SEPTIN9: variants seen among roughly 807,000 people sequenced by gnomAD.
SEPTIN9 encodes the protein septin 9, also known as septin-9.
A neutral mutation model predicts 56.6 loss-of-function variants in SEPTIN9; 13 were observed. The observed-to-expected ratio is 0.23, with a 90% confidence interval of 0.15 to 0.37. The LOEUF (loss-of-function observed/expected upper bound fraction) is 0.37, where lower values mean the gene tolerates loss of function less well. Ranked by LOEUF, SEPTIN9 falls within the 10% of genes least tolerant of loss-of-function variation. The probability of loss-of-function intolerance (pLI) is 1.00; values close to 1 mark genes in which losing one functional copy is unlikely to be tolerated. For missense variants in SEPTIN9, 650 were observed against 823.1 expected, an observed-to-expected ratio of 0.79 and a Z score of 2.57; for synonymous variants, 332 against 334.1, an observed-to-expected ratio of 0.99 and a Z score of 0.07.
At chr17:77,438,965 C>T (rs1296155029) in intron 3 of SEPTIN9, among the ~76,000 whole-genome samples, 2 of 152,184 alleles carry the variant, frequency 1.3e-5, no homozygotes, top group Non-Finnish European at 1.5e-5. Context: ...AATCCATTTC[C>T]CCTTTTGACA....
chr17:77,432,248 T>C (rs550396470), intron 3 of SEPTIN9, among the ~76,000 whole-genome samples: 1 of 152,342 alleles, frequency 6.6e-6, no homozygotes, highest in East Asian at 1.9e-4. Flanking sequence ...CGAGACATGA[T>C]GAGAAACAAA....
intron 4 of SEPTIN9, among the ~76,000 whole-genome samples, chr17:77,484,738 GGTGGTGGTGGTT>G (rs1176365455): frequency 9.7e-5 from 7 of 72,068 alleles, no homozygotes; most frequent in African/African-American, 4.4e-4. Context: ...TTGTGATGGT[GGTGGTGGTGGTT>G]GTGATGGTGG....
intron 7 of SEPTIN9, 24 bp from the exon 8 acceptor site, chr17:77,490,718 C>T (rs1598467618): frequency 6.6e-7 from 1 of 1,525,786 alleles, no homozygotes; most frequent in Non-Finnish European, 8.9e-7. Flanking sequence ...CCAGATGAGC[C>T]TCACGCACAT....
intron 2 of SEPTIN9, among the ~76,000 whole-genome samples, chr17:77,324,723 A>G (rs1461008500): frequency 6.6e-6 from 1 of 151,962 alleles, no homozygotes; most frequent in Non-Finnish European, 1.5e-5. Flanking sequence ...AGATCTGTAG[A>G]TTAATATCCA....
intron 2 of SEPTIN9, among the ~76,000 whole-genome samples, chr17:77,388,157 A>G (rs1365717918): frequency 1.3e-5 from 2 of 152,122 alleles, no homozygotes; most frequent in East Asian, 1.9e-4. Context: ...CTAGGTTTCC[A>G]GGGAGCTTTT....
intron 1 of SEPTIN9, among the ~76,000 whole-genome samples, chr17:77,292,505 A>G (rs2031610364): frequency 6.8e-6 from 1 of 146,606 alleles, no homozygotes; most frequent in Non-Finnish European, 1.5e-5. Context: ...TTTTTTTTAA[A>G]TTTTTTGAGA....
At chr17:77,374,871 T>TTG (rs2034863675) in intron 2 of SEPTIN9, 2 of 151,568 alleles carry the variant, frequency 1.3e-5, no homozygotes. Flanking sequence ...CGGGAGGGGG[T>TTG]TGTGATCCAG....
intron 3 of SEPTIN9, among the ~76,000 whole-genome samples, chr17:77,417,312 G>C (rs1343747052): frequency 6.6e-6 from 1 of 152,212 alleles, no homozygotes; most frequent in Non-Finnish European, 1.5e-5. Flanking sequence ...CTGGAGGTGG[G>C]GAAGCTGTTG....
chr17:77,281,530 G>A lies in SEPTIN9; in HGVS notation c.-6G>A, dbSNP rs754399868. On this transcript the variant is annotated 5_prime_UTR_variant, in exon 1 of 12. Coordinates refer to ENST00000427177, the MANE Select transcript of SEPTIN9 (RefSeq NM_001113491.2). ...CTTTCCTGGGAGCGGCGGCCACGGA[G>A]GCACCATGAAGAAGTCTTACTCAGG... 171 of 1,549,442 alleles carry A rather than the reference G, an allele frequency of 1.1e-4. No homozygotes were observed. The highest frequency in any genetic ancestry group is 1.4e-4 in the Non-Finnish European group (162 of 1,147,324).
intron 2 of SEPTIN9, among the ~76,000 whole-genome samples, chr17:77,308,601 G>A (rs944214449): frequency 5.9e-5 from 9 of 152,224 alleles, no homozygotes; most frequent in African/African-American, 2.2e-4. Context: ...TATTTTAAAT[G>A]GATTTCCACT....
At chr17:77,378,819 G>A (rs1365966373) in intron 2 of SEPTIN9, among the ~76,000 whole-genome samples, 1 of 152,060 alleles carries the variant, frequency 6.6e-6, no homozygotes, top group African/African-American at 2.4e-5. Flanking sequence ...AGGTTGTCCT[G>A]GTCTTCCCTG....
At chr17:77,396,170 A>G (rs409785) in intron 2 of SEPTIN9, among the ~76,000 whole-genome samples, 6,416 of 152,262 alleles carry the variant, frequency 0.042, 462 homozygotes, top group African/African-American at 0.15. Flanking sequence ...TTTACCTTCC[A>G]GTGACAGCAT....
chr17:77,453,726 C>T lies in SEPTIN9; in HGVS notation c.722-28418C>T, dbSNP rs2144427555. Reference sequence around the variant, plus strand: ...AGACCCACTTGGGCAACCAGAGTCTCTGGGTTGACCACTCCCCAGCCCTGG... The same window carrying T: ...AGACCCACTTGGGCAACCAGAGTCTTTGGGTTGACCACTCCCCAGCCCTGG... On this transcript the variant is annotated intron_variant, in intron 3 of 11. Coordinates refer to ENST00000427177, the MANE Select transcript of SEPTIN9 (RefSeq NM_001113491.2). This position sits in a 1 kb window ranked among gnomAD's most constrained non-coding sequence, Gnocchi z 4.4. 6.6e-6 allele frequency: 1 copy of T among 152,604 alleles called. No homozygotes were observed. Among genetic ancestry groups the T allele is most frequent in the East Asian group, 1.9e-4 (1 of 5,186 alleles). 9.5% of individuals were successfully genotyped at this position (152,604 alleles called of 1,614,324 possible).
intron 2 of SEPTIN9, among the ~76,000 whole-genome samples, chr17:77,368,653 A>C (rs1198794495): frequency 6.6e-6 from 1 of 152,234 alleles, no homozygotes; most frequent in East Asian, 1.9e-4. Flanking sequence ...TATCACAGTA[A>C]AAATGCATTG....
rs1349132439 is a variant in SEPTIN9, at chr17:77,451,840, C to G, written c.722-30304C>G. 6.6e-6 allele frequency among the ~76,000 whole-genome samples: 1 copy of G among 152,358 alleles called. No homozygotes were observed. The highest frequency in any genetic ancestry group is 2.1e-4 in the South Asian group (1 of 4,830). ...GGCTAAGTTCTCCTGCTGCCCGGAG[C>G]TTCTTGGAACATGTTTCCTTTTCGC... is the stretch of plus-strand genomic sequence containing the variant. On this transcript the variant is annotated intron_variant, in intron 3 of 11. Coordinates refer to ENST00000427177, the MANE Select transcript of SEPTIN9 (RefSeq NM_001113491.2). The surrounding 1 kb of genome is among the most constrained non-coding windows in gnomAD (Gnocchi z 4.2).
chr17:77,387,268 T>C (rs1249613717), intron 2 of SEPTIN9, among the ~76,000 whole-genome samples: 1 of 152,226 alleles, frequency 6.6e-6, no homozygotes, highest in Non-Finnish European at 1.5e-5. Flanking sequence ...CTCCTGGGCA[T>C]GTAGATGCGT....
At chr17:77,406,781 C>G (rs2036096464) in intron 3 of SEPTIN9, among the ~76,000 whole-genome samples, 1 of 152,044 alleles carries the variant, frequency 6.6e-6, no homozygotes, top group South Asian at 2.1e-4. Context: ...AGCGATTCTT[C>G]TGCCTCAGCC....
chr17:77,424,287 T>G (rs937418759), intron 3 of SEPTIN9, among the ~76,000 whole-genome samples: 1 of 152,260 alleles, frequency 6.6e-6, no homozygotes, highest in African/African-American at 2.4e-5. Flanking sequence ...ACCCTGGCTG[T>G]GAACACAGGG....
At position 77,492,816 on chromosome 17, in the gene SEPTIN9, T is replaced by C; in HGVS notation, c.1476+100T>C. On this transcript the variant is annotated intron_variant, in intron 9 of 11. Coordinates refer to ENST00000427177, the MANE Select transcript of SEPTIN9 (RefSeq NM_001113491.2). This position sits in a 1 kb window ranked among gnomAD's most constrained non-coding sequence, Gnocchi z 5.4. ...GACCTTAAGCCATGAAATTATATTC[T>C]TGGGGCCAGAGGGCACTGAGCCCAG... 3 of 1,297,268 alleles carry C rather than the reference T, an allele frequency of 2.3e-6. No homozygotes were observed. Among genetic ancestry groups the C allele is most frequent in the South Asian group, 2.4e-5 (2 of 83,884 alleles). The allele number at this position is 1,297,268 out of a possible 1,614,324, so 80.4% of individuals were successfully genotyped here.
Sources: allele counts gnomAD v4.1 joint callset (sites outside exome capture counted in the v4.1 genomes callset), GRCh38; gene constraint gnomAD v4.1.1; non-coding constraint Gnocchi (gnomAD v3.1); transcripts MANE v1.5; gene names NCBI Gene and HGNC (gene_info 2026-07-23, HGNC 2026-07-21).